ERC2: variants seen among roughly 807,000 people sequenced by gnomAD.
The protein encoded by ERC2 is ELKS/RAB6-interacting/CAST family member 2.
Under a neutral mutation model 114.8 loss-of-function variants are expected in ERC2, and 42 were observed. That is an observed-to-expected ratio of 0.37 (90% CI 0.29 to 0.47). The LOEUF (loss-of-function observed/expected upper bound fraction) is 0.47. Among genes scored for constraint, ERC2 ranks in the 20% least tolerant of loss-of-function variants. ERC2 has a pLI of 0.99. For synonymous variants in ERC2, 454 were observed against 425.5 expected, an observed-to-expected ratio of 1.07 and a Z score of -0.82; for missense variants, 939 against 1,150.7, an observed-to-expected ratio of 0.82 and a Z score of 2.66.
chr3:55,813,112 G>A (rs2059783943), intron 14 of ERC2, among the ~76,000 whole-genome samples: 1 of 152,150 alleles, frequency 6.6e-6, no homozygotes, highest in Admixed American at 6.5e-5. Flanking sequence ...CCTTGCTAAT[G>A]TCCTATGGAA....
intron 14 of ERC2, among the ~76,000 whole-genome samples, chr3:55,753,390 G>A (rs955893373): frequency 3.3e-5 from 5 of 152,160 alleles, no homozygotes; most frequent in African/African-American, 7.2e-5. Context: ...ACCTACCCCC[G>A]AGGTCACTAA....
chr3:56,223,933 G>A (rs530451383), intron 3 of ERC2, among the ~76,000 whole-genome samples: 1 of 152,210 alleles, frequency 6.6e-6, no homozygotes, highest in South Asian at 2.1e-4. Context: ...ATAACTTCAA[G>A]TGAATAATAT....
chr3:55,734,756 T>C lies in ERC2; in HGVS notation c.2712+15A>G. On this transcript the variant is annotated intron_variant, in intron 15 of 17. Transcript: ENST00000288221. ...CAAACCCAGAAAAACACACCTGTCTTGCAGGAGGCCCCACCTGCTGCTTTA... is the reference window on the plus strand; with the variant it reads ...CAAACCCAGAAAAACACACCTGTCTCGCAGGAGGCCCCACCTGCTGCTTTA... 1 of 1,600,754 alleles carries C rather than the reference T, an allele frequency of 6.2e-7. No individual in the cohort carries two copies. Among genetic ancestry groups the C allele is most frequent in the Non-Finnish European group, 8.5e-7 (1 of 1,173,866 alleles).
rs146235492 is a variant in ERC2 at position 55,898,768 on chromosome 3, T to C, written c.2404-10219A>G. Among the ~76,000 whole-genome samples, 9 of 152,272 alleles carry C rather than the reference T, an allele frequency of 5.9e-5. No individual in the cohort carries two copies. In the East Asian group the frequency reaches 1.7e-3, roughly 29 times the overall value. ...GATGCATCACATTTTTCATCTTCAG[T>C]GGAAAGGTGAAAATTTTCACCAAGA... is the stretch of plus-strand genomic sequence containing the variant. On this transcript the variant is annotated intron_variant, in intron 13 of 17. Coordinates refer to ENST00000288221, the MANE Select transcript of ERC2 (RefSeq NM_015576.3).
chr3:56,171,170 G>A (rs2082647339), intron 4 of ERC2, among the ~76,000 whole-genome samples: 1 of 152,136 alleles, frequency 6.6e-6, no homozygotes, highest in South Asian at 2.1e-4. Context: ...CTAGGCTTAA[G>A]GGTCAGTTCG....
chr3:55,919,648 A>G (rs533494453), intron 13 of ERC2, among the ~76,000 whole-genome samples: 8 of 152,336 alleles, frequency 5.3e-5, no homozygotes, highest in Admixed American at 4.6e-4. Flanking sequence ...GAAAATAAGT[A>G]AAATGTGTAA....
intron 15 of ERC2, among the ~76,000 whole-genome samples, chr3:55,718,153 G>T (rs1241433874): frequency 6.6e-6 from 1 of 152,106 alleles, no homozygotes; most frequent in Admixed American, 6.5e-5. Flanking sequence ...ATTTATGATG[G>T]ATTTGTCCAA....
At chr3:56,426,714 T>C (rs532169091) in intron 2 of ERC2, among the ~76,000 whole-genome samples, 1 of 152,178 alleles carries the variant, frequency 6.6e-6, no homozygotes, top group Non-Finnish European at 1.5e-5. Context: ...GGAACGTACC[T>C]AAACCCAACC....
rs1190476112 is a variant in ERC2, at chr3:56,281,399, T to C, written c.1074+14620A>G. On this transcript the variant is annotated intron_variant, in intron 3 of 17. Coordinates refer to ENST00000288221, the MANE Select transcript of ERC2 (RefSeq NM_015576.3). Reference sequence around the variant, plus strand: ...TTGCAGTGAGCCGAGATCCCGCCACTGCACTCCAGCCTGGGTGACAGAGCA... The same window carrying C: ...TTGCAGTGAGCCGAGATCCCGCCACCGCACTCCAGCCTGGGTGACAGAGCA... Among the ~76,000 whole-genome samples the C allele has an allele frequency of 4.3e-5, 4 of 92,320 alleles. 1 individual carries two copies. The highest frequency in any genetic ancestry group is 9.6e-4 in the South Asian group (2 of 2,090). 60.6% of individuals were successfully genotyped at this position (92,320 alleles called of 152,430 possible).
intron 2 of ERC2, among the ~76,000 whole-genome samples, chr3:56,423,147 C>G (rs1171117055): frequency 6.6e-6 from 1 of 152,198 alleles, no homozygotes; most frequent in African/African-American, 2.4e-5. Context: ...ACATCATTGA[C>G]AATTCATTCT....
chr3:56,102,246 G>T (rs1341816970), intron 6 of ERC2, among the ~76,000 whole-genome samples: 1 of 152,122 alleles, frequency 6.6e-6, no homozygotes, highest in African/African-American at 2.4e-5. Flanking sequence ...CCCATCCCCA[G>T]GGGCAGCCAG....
intron 17 of ERC2, among the ~76,000 whole-genome samples, chr3:55,591,051 A>G (rs1275570441): frequency 6.6e-6 from 1 of 151,172 alleles, no homozygotes; most frequent in Non-Finnish European, 1.5e-5. Context: ...CTGGTCTCGA[A>G]CTCCTGACCT....
intron 2 of ERC2, among the ~76,000 whole-genome samples, chr3:56,369,952 G>C (rs983912580): frequency 2.0e-5 from 3 of 152,306 alleles, no homozygotes; most frequent in South Asian, 2.1e-4. Flanking sequence ...TGGGATTATA[G>C]GCATGAGCCA....
intron 2 of ERC2, among the ~76,000 whole-genome samples, chr3:56,355,185 G>T (rs1466240936): frequency 6.6e-6 from 1 of 152,168 alleles, no homozygotes; most frequent in Non-Finnish European, 1.5e-5. Context: ...GCTGAATGAT[G>T]AATGAGCCCC....
chr3:56,112,098 T>G (rs545401397), intron 6 of ERC2, among the ~76,000 whole-genome samples: 1 of 152,218 alleles, frequency 6.6e-6, no homozygotes, highest in Non-Finnish European at 1.5e-5. Flanking sequence ...GCTTTTTAGA[T>G]GTTTTGCATT....
chr3:55,947,245 T>C (rs1180256802), intron 13 of ERC2, among the ~76,000 whole-genome samples: 1 of 152,146 alleles, frequency 6.6e-6, no homozygotes, highest in African/African-American at 2.4e-5. Flanking sequence ...TTGAGTTCCC[T>C]ATAGCTCCCC....
intron 14 of ERC2, among the ~76,000 whole-genome samples, chr3:55,865,680 A>G (rs1224445317): frequency 6.6e-6 from 1 of 152,104 alleles, no homozygotes; most frequent in African/African-American, 2.4e-5. Flanking sequence ...AGATTTGCCT[A>G]TTTGTCATAT....
intron 3 of ERC2, among the ~76,000 whole-genome samples, chr3:56,226,466 AAG>A (rs1416372574): frequency 6.6e-6 from 1 of 152,176 alleles, no homozygotes; most frequent in Non-Finnish European, 1.5e-5. Flanking sequence ...AGGCCGGAGA[AAG>A]GCCTGAGTCC....
intron 2 of ERC2, among the ~76,000 whole-genome samples, chr3:56,355,056 C>A (rs1162417641): frequency 2.0e-5 from 3 of 152,172 alleles, no homozygotes; most frequent in Non-Finnish European, 2.9e-5. Flanking sequence ...ACCACTCTCC[C>A]CTTAAACAAA....
Sources: gnomAD v4.1 joint callset for allele counts (sites outside exome capture counted in the v4.1 genomes callset) on GRCh38, gnomAD v4.1.1 for gene constraint, MANE v1.5 for transcripts, NCBI Gene and HGNC (gene_info 2026-07-23, HGNC 2026-07-21) for gene names.